ZDHHC21: variants seen among roughly 807,000 people sequenced by gnomAD.
ZDHHC21 encodes zDHHC palmitoyltransferase 21.
Under a neutral mutation model 34.6 loss-of-function variants are expected in ZDHHC21, and 15 were observed. The observed-to-expected ratio is 0.43, with a 90% CI of 0.29 to 0.67. The LOEUF (loss-of-function observed/expected upper bound fraction) is 0.67. ZDHHC21 is among the 30% of genes least tolerant of loss of function. ZDHHC21 has a pLI of 0.14. For missense variants in ZDHHC21, 344 were observed against 327.7 expected (o/e 1.05, Z -0.38); for synonymous variants, 142 against 101.8 (o/e 1.40, Z -2.38).
chr9:14,616,206 GT>G lies in ZDHHC21; in HGVS notation c.*2759del. 1 of 151,770 alleles carries G rather than the reference GT, an allele frequency of 6.6e-6. No individual in the cohort carries two copies. Among genetic ancestry groups the G allele is most frequent in the East Asian group, 1.9e-4 (1 of 5,154 alleles). 9.4% of individuals were successfully genotyped at this position (151,770 alleles called of 1,614,324 possible). ...CTTTGTAGCTACAATACATTTCTAT[GT>G]TTTGTAATAAATTGGTAATTTCAAA... is the stretch of plus-strand genomic sequence containing the variant. On this transcript the variant is annotated 3_prime_UTR_variant, in exon 10 of 10. Coordinates refer to ENST00000380916, the MANE Select transcript of ZDHHC21 (RefSeq NM_178566.6).
chr9:14,616,463 C>T lies in ZDHHC21; in HGVS notation c.*2503G>A, dbSNP rs1267871433. On this transcript the variant is annotated 3_prime_UTR_variant, in exon 10 of 10. Transcript: ENST00000380916. ...ATAAAATTTTACATTTTTGTACATA[C>T]ACTCCTCCTAAGTTTGTACTTTTGA... is the stretch of plus-strand genomic sequence containing the variant. 1 of 151,666 alleles carries T rather than the reference C, an allele frequency of 6.6e-6. No homozygotes were observed. The highest frequency in any genetic ancestry group is 1.5e-5 in the Non-Finnish European group (1 of 67,764). The allele number at this position is 151,666 out of a possible 1,614,324, so 9.4% of individuals were successfully genotyped here. A position where few individuals can be genotyped will look rare whatever the true frequency, so the allele number is the denominator to read the frequency against.
rs1837101288 is a variant in ZDHHC21, at chr9:14,680,060, T to C, written c.-73A>G. On this transcript the variant is annotated 5_prime_UTR_variant, in exon 3 of 10. Transcript: ENST00000380916. ...CTTGCAAATTCACTGAGATGTGCTGTAATTTTTCTGGAATCTGCATTTAGA... is the reference window on the plus strand; with the variant it reads ...CTTGCAAATTCACTGAGATGTGCTGCAATTTTTCTGGAATCTGCATTTAGA... 1 of 152,580 alleles carries C rather than the reference T, an allele frequency of 6.6e-6. No individual in the cohort carries two copies. The highest frequency in any genetic ancestry group is 2.1e-4 in the South Asian group (1 of 4,830). The allele number at this position is 152,580 out of a possible 1,614,324, so 9.5% of individuals were successfully genotyped here.
intron 1 of ZDHHC21, among the ~76,000 whole-genome samples, chr9:14,691,943 C>T (rs7032619): frequency 0.22 from 33,904 of 152,170 alleles, 4,146 homozygotes; most frequent in South Asian, 0.35. Flanking sequence ...TAGTCTGGCT[C>T]TCTGATGGTA....
chr9:14,604,835 G>C, the ZDHHC21 span, among the ~76,000 whole-genome samples: 1 of 151,978 alleles, frequency 6.6e-6, no homozygotes, highest in Non-Finnish European at 1.5e-5. Flanking sequence ...TTTTAAACTC[G>C]CGTGACAGAA....
At chr9:14,676,022 A>G (rs1040821119) in intron 3 of ZDHHC21, among the ~76,000 whole-genome samples, 1 of 152,024 alleles carries the variant, frequency 6.6e-6, no homozygotes, top group Non-Finnish European at 1.5e-5. Context: ...AAGGACATAA[A>G]GATGCCATGT....
intron 3 of ZDHHC21, 89 bp from the exon 4 acceptor site, chr9:14,674,474 G>C (rs1835999022): frequency 1.4e-6 from 1 of 718,092 alleles, no homozygotes; most frequent in South Asian, 2.2e-5. Flanking sequence ...AAATGACATT[G>C]AGTTTTCTTT....
intron 7 of ZDHHC21, among the ~76,000 whole-genome samples, chr9:14,643,210 T>C (rs1271431943): frequency 6.6e-6 from 1 of 152,186 alleles, no homozygotes; most frequent in Admixed American, 6.5e-5. Flanking sequence ...ATCGTGCCAC[T>C]GCACTCCAGC....
chr9:14,661,953 C>T (rs1374494270), intron 6 of ZDHHC21, among the ~76,000 whole-genome samples: 1 of 152,130 alleles, frequency 6.6e-6, no homozygotes, highest in African/African-American at 2.4e-5. Flanking sequence ...TTAATACAAC[C>T]ACCTTAATCC....
intron 3 of ZDHHC21, among the ~76,000 whole-genome samples, chr9:14,675,453 T>C (rs555330040): frequency 2.0e-5 from 3 of 151,896 alleles, no homozygotes; most frequent in Non-Finnish European, 2.9e-5. Context: ...TCATAATTCT[T>C]CATAAAACTC....
At chr9:14,644,455 G>T (rs1284579348) in intron 7 of ZDHHC21, among the ~76,000 whole-genome samples, 1 of 151,830 alleles carries the variant, frequency 6.6e-6, no homozygotes, top group Non-Finnish European at 1.5e-5. Flanking sequence ...CAACCTGGAG[G>T]GAAGAAGTCA....
intron 7 of ZDHHC21, 92 bp downstream of exon 7, chr9:14,658,657 G>C: frequency 1.9e-6 from 2 of 1,030,278 alleles, no homozygotes; most frequent in East Asian, 2.7e-5. Context: ...ATTTTTAGTA[G>C]AGACGGGGTT....
intron 8 of ZDHHC21, among the ~76,000 whole-genome samples, chr9:14,632,239 G>A (rs1194340399): frequency 6.6e-6 from 1 of 152,110 alleles, no homozygotes; most frequent in Non-Finnish European, 1.5e-5. Flanking sequence ...CTGGCATAAA[G>A]ATATCTCTAT....
intron 1 of ZDHHC21, 38 bp from the exon 2 acceptor site, chr9:14,690,423 G>C (rs1398164300): frequency 2.2e-6 from 1 of 445,936 alleles, no homozygotes. Context: ...TCAGAAGCTT[G>C]GTTGACATCA....
chr9:14,619,540 C>T (rs1824895417), intron 9 of ZDHHC21, 99 bp downstream of exon 9: 1 of 1,002,670 alleles, frequency 1.0e-6, no homozygotes, highest in Non-Finnish European at 1.4e-6. Context: ...AAGAAAAAGC[C>T]ATCATTATAT....
chr9:14,651,103 G>A (rs1338839300), intron 7 of ZDHHC21, among the ~76,000 whole-genome samples: 1 of 151,806 alleles, frequency 6.6e-6, no homozygotes, highest in Non-Finnish European at 1.5e-5. Flanking sequence ...ATTTTCTCAT[G>A]TAGAGAAATA....
chr9:14,674,235 G>A lies in ZDHHC21; in HGVS notation c.106C>T (p.Leu36Phe). The A allele has an allele frequency of 6.3e-7, 1 of 1,578,324 alleles. No individual in the cohort carries two copies. The highest frequency in any genetic ancestry group is 8.6e-7 in the Non-Finnish European group (1 of 1,165,520). ...YNIVLIPKIVLFPHYEEGHIP... is the reference protein window; with the variant it reads ...YNIVLIPKIVFFPHYEEGHIP... The stretch of plus-strand genomic sequence containing the variant: ...TGTCCTTCTTCATAGTGAGGAAAGA[G>A]GACAATTTTGGGAATTAAAACAATA... The change falls in exon 4 of 10, where the codon CTC becomes TTC. Residue 36 changes from leucine to phenylalanine, a missense_variant. Transcript: ENST00000380916.
chr9:14,640,307 GGAAAAAAAAAA>G (rs1403183496), intron 7 of ZDHHC21, among the ~76,000 whole-genome samples: 1 of 125,708 alleles, frequency 8.0e-6, no homozygotes, highest in Non-Finnish European at 1.7e-5. Flanking sequence ...CCTATTTTGG[GGAAAAAAAAAA>G]AAAAAAAGAA....
In ZDHHC21 at chr9:14,680,116, T is replaced by C. The variant is rs974514216; in HGVS notation, c.-129A>G. The stretch of plus-strand genomic sequence containing the variant: ...TCTTTTGATTCATTTTTTTTAATTA[T>C]ATCCCACCAAATGGATCTCTCTTCA... On this transcript the variant is annotated 5_prime_UTR_variant, in exon 3 of 10. In the 5' UTR this introduces an upstream ATG that the reference lacks. Transcript: ENST00000380916. 5 of 152,596 alleles carry C rather than the reference T, an allele frequency of 3.3e-5. No individual in the cohort carries two copies. The highest frequency in any genetic ancestry group is 5.9e-5 in the Non-Finnish European group (4 of 68,016). The allele number at this position is 152,596 out of a possible 1,614,324, so 9.5% of individuals were successfully genotyped here.
intron 8 of ZDHHC21, among the ~76,000 whole-genome samples, chr9:14,627,423 T>C (rs1826468408): frequency 6.6e-6 from 1 of 152,172 alleles, no homozygotes; most frequent in Non-Finnish European, 1.5e-5. Flanking sequence ...ATTTAAGCTA[T>C]CTTCAGCAAT....
Sources: gnomAD v4.1 joint callset for allele counts (sites outside exome capture counted in the v4.1 genomes callset) on GRCh38, gnomAD v4.1.1 for gene constraint, MANE v1.5 for transcripts, NCBI Gene and HGNC (gene_info 2026-07-23, HGNC 2026-07-21) for gene names.